The following SGCZ variants were observed in gnomAD, a reference collection of about 807,000 sequenced individuals.
SGCZ encodes zeta-sarcoglycan.
Under a neutral mutation model 41.3 loss-of-function variants are expected in SGCZ, and 40 were observed. The observed-to-expected ratio is 0.97, with a 90% CI of 0.75 to 1.26. The LOEUF (loss-of-function observed/expected upper bound fraction) is 1.26. SGCZ is among the 50% of genes most tolerant of loss of function. The pLI is 0.00. For synonymous variants in SGCZ, 206 were observed against 137.5 expected (o/e 1.50, Z -3.49); for missense variants, 552 against 369.8 (o/e 1.49, Z -4.04).
At position 15,154,951 on chromosome 8, in the gene SGCZ, T is replaced by C. The variant is rs372640728; in HGVS notation, c.39+82634A>G. Among the ~76,000 whole-genome samples, 15 of 152,240 alleles carry C rather than the reference T, an allele frequency of 9.9e-5. No individual in the cohort carries two copies. In the East Asian group the frequency reaches 2.9e-3, roughly 29 times the overall value. ...TAATTAACAACAATATATTGTATAA[T>C]TTCAAATAGTGAGAAGAGCCGATTT... On this transcript the variant is annotated intron_variant, in intron 1 of 7. Coordinates refer to ENST00000382080, the MANE Select transcript of SGCZ (RefSeq NM_139167.4).
At chr8:14,813,746 G>A (rs1284994594) in intron 1 of SGCZ, among the ~76,000 whole-genome samples, 1 of 152,130 alleles carries the variant, frequency 6.6e-6, no homozygotes, top group Non-Finnish European at 1.5e-5. Context: ...GAGTTCAAGA[G>A]TTCAAGACCA....
At chr8:14,633,601 C>T (rs1806730470) in intron 1 of SGCZ, among the ~76,000 whole-genome samples, 1 of 151,520 alleles carries the variant, frequency 6.6e-6, no homozygotes, top group Non-Finnish European at 1.5e-5. Context: ...GTAGGGAAAT[C>T]CACTGACTAC....
At chr8:15,039,927 C>T (rs1319443769) in intron 1 of SGCZ, among the ~76,000 whole-genome samples, 1 of 152,160 alleles carries the variant, frequency 6.6e-6, no homozygotes, top group Non-Finnish European at 1.5e-5. Flanking sequence ...CTGTTTGGCA[C>T]ACTACTGACT....
chr8:14,276,090 A>T (rs2117275534), intron 3 of SGCZ, among the ~76,000 whole-genome samples: 1 of 152,308 alleles, frequency 6.6e-6, no homozygotes, highest in South Asian at 2.1e-4. Context: ...GGGGGAGAGC[A>T]GGGGACACAT....
chr8:14,610,206 C>T lies in SGCZ; in HGVS notation c.40-55280G>A, dbSNP rs141914685. ...GGCCCCAACCTATATTACATTGTTA[C>T]AAGAATCACCTTGACCTAAAGACAC... On this transcript the variant is annotated intron_variant, in intron 1 of 7. Transcript: ENST00000382080. Among the ~76,000 whole-genome samples the T allele has an allele frequency of 1.5e-4, 23 of 152,188 alleles. 1 individual carries two copies. In the East Asian group the frequency reaches 3.9e-3, roughly 26 times the overall value.
chr8:14,943,955 T>C (rs1308864751), intron 1 of SGCZ, among the ~76,000 whole-genome samples: 1 of 152,178 alleles, frequency 6.6e-6, no homozygotes, highest in Non-Finnish European at 1.5e-5. Flanking sequence ...ATATTACATT[T>C]CTTTATCCAG....
intron 2 of SGCZ, among the ~76,000 whole-genome samples, chr8:14,344,161 T>C (rs531614416): frequency 6.6e-6 from 1 of 152,140 alleles, no homozygotes; most frequent in South Asian, 2.1e-4. Context: ...CATTCACAAA[T>C]GCGTGGATAG....
chr8:14,446,124 C>T (rs1306454848), intron 2 of SGCZ, among the ~76,000 whole-genome samples: 1 of 152,154 alleles, frequency 6.6e-6, no homozygotes, highest in East Asian at 1.9e-4. Context: ...GTCAATAAGT[C>T]AGGGAGAAAA....
intron 1 of SGCZ, among the ~76,000 whole-genome samples, chr8:14,564,188 A>G (rs1025599659): frequency 6.6e-6 from 1 of 152,240 alleles, no homozygotes; most frequent in African/African-American, 2.4e-5. Context: ...TGAAATAGCA[A>G]CATGCAACAT....
Position 15,232,667 on chromosome 8 carries a change from A to ATG in SGCZ, c.39+4916_39+4917dup, listed in dbSNP as rs1450348412. Among the ~76,000 whole-genome samples the ATG allele has an allele frequency of 1.3e-3, 153 of 121,482 alleles. 4 individuals are homozygous for ATG. Among genetic ancestry groups the ATG allele is most frequent in the African/African-American group, 4.1e-3 (148 of 35,732 alleles). 79.7% of individuals were successfully genotyped at this position (121,482 alleles called of 152,430 possible). A position where few individuals can be genotyped will look rare whatever the true frequency, so the allele number is the denominator to read the frequency against. On this transcript the variant is annotated intron_variant, in intron 1 of 7. Coordinates refer to ENST00000382080, the MANE Select transcript of SGCZ (RefSeq NM_139167.4). ...TGTGTGTGTATATATATACATATAT[A>ATG]TGTGTGTGTATATATATATATATGT...
At chr8:15,142,960 A>C (rs1272495063) in intron 1 of SGCZ, among the ~76,000 whole-genome samples, 1 of 152,150 alleles carries the variant, frequency 6.6e-6, no homozygotes, top group Non-Finnish European at 1.5e-5. Context: ...TTTATGGTAC[A>C]CTGAAAAATA....
intron 3 of SGCZ, among the ~76,000 whole-genome samples, chr8:14,269,276 TAAATA>T (rs1799980506): frequency 2.0e-5 from 3 of 152,326 alleles, no homozygotes; most frequent in African/African-American, 7.2e-5. Flanking sequence ...GTTAATTCAT[TAAATA>T]ATTCAACTGT....
chr8:15,048,800 G>A (rs895747701), intron 1 of SGCZ, among the ~76,000 whole-genome samples: 1 of 152,008 alleles, frequency 6.6e-6, no homozygotes, highest in Admixed American at 6.6e-5. Flanking sequence ...TGTAAACTGT[G>A]TGAAGTTGTT....
In SGCZ at chr8:14,200,136, T is replaced by C. The variant is rs77174439; in HGVS notation, c.425-35434A>G. 2.8e-3 allele frequency among the ~76,000 whole-genome samples: 419 copies of C among 152,260 alleles called. 4 individuals carry two copies. Among genetic ancestry groups the C allele is most frequent in the African/African-American group, 9.5e-3 (395 of 41,550 alleles). ...GGATAATGGGCACTACCATAATTAC[T>C]TCAGTTTAAATGAAACTAAATACAT... On this transcript the variant is annotated intron_variant, in intron 4 of 7. Coordinates refer to ENST00000382080, the MANE Select transcript of SGCZ (RefSeq NM_139167.4).
At chr8:14,094,345 GTATTCT>G (rs1563121947) in intron 7 of SGCZ, among the ~76,000 whole-genome samples, 1 of 151,920 alleles carries the variant, frequency 6.6e-6, no homozygotes, top group African/African-American at 2.4e-5. Flanking sequence ...CTGTGTCCAT[GTATTCT>G]CATTGTTCAA....
chr8:14,777,954 G>T (rs1050817861), intron 1 of SGCZ, among the ~76,000 whole-genome samples: 11 of 151,694 alleles, frequency 7.3e-5, no homozygotes, highest in Admixed American at 3.9e-4. Flanking sequence ...TGGAGACAGG[G>T]TCTTTGTTAC....
chr8:14,407,737 T>C (rs528605083), intron 2 of SGCZ, among the ~76,000 whole-genome samples: 14 of 152,276 alleles, frequency 9.2e-5, no homozygotes, highest in African/African-American at 3.4e-4. Flanking sequence ...GAAAAGATCA[T>C]TTCAAAAAGT....
At chr8:14,729,122 A>T (rs985765167) in intron 1 of SGCZ, among the ~76,000 whole-genome samples, 2 of 152,142 alleles carry the variant, frequency 1.3e-5, no homozygotes, top group Admixed American at 1.3e-4. Context: ...CATTCTATCA[A>T]AATGTAAACT....
chr8:14,851,368 C>CAAAAAAAAAAAAAAAAAAAAAAAAAAAA (rs369090223), intron 1 of SGCZ, among the ~76,000 whole-genome samples: 1 of 61,922 alleles, frequency 1.6e-5, no homozygotes, highest in Non-Finnish European at 2.9e-5. Context: ...GACTCCATCT[C>CAAAAAAAAAAAAAAAAAAAAAAAAAAAA]AAAAAAAAAA....
Sources: allele counts gnomAD v4.1 joint callset (sites outside exome capture counted in the v4.1 genomes callset), GRCh38; gene constraint gnomAD v4.1.1; transcripts MANE v1.5; gene names NCBI Gene and HGNC (gene_info 2026-07-23, HGNC 2026-07-21).